The following DLGAP2 variants were observed in gnomAD, a reference collection of about 807,000 sequenced individuals.
The protein encoded by DLGAP2 is DLG associated protein 2.
DLGAP2 carries 26 observed loss-of-function variants against 100.3 expected under a neutral mutation model. That is an observed-to-expected ratio of 0.26 (90% CI 0.19 to 0.36). The LOEUF is 0.36. Ranked by LOEUF, DLGAP2 falls within the 10% of genes least tolerant of loss-of-function variation. The pLI is 1.00. For synonymous variants in DLGAP2, 886 were observed against 630.1 expected (o/e 1.41, Z -6.08); for missense variants, 1,858 against 1,453.2 (o/e 1.28, Z -4.53).
intron 10 of DLGAP2, among the ~76,000 whole-genome samples, chr8:1,674,550 T>C (rs747132236): frequency 1.3e-4 from 20 of 152,354 alleles, no homozygotes; most frequent in South Asian, 6.2e-4. Context: ...GAGACAAATA[T>C]TCTCCACATT....
chr8:883,711 C>A (rs745867366), intron 1 of DLGAP2, among the ~76,000 whole-genome samples: 1 of 151,862 alleles, frequency 6.6e-6, no homozygotes, highest in Admixed American at 6.6e-5. Context: ...GCGTGTGCCG[C>A]GGCCGTTCGT....
intron 1 of DLGAP2, among the ~76,000 whole-genome samples, chr8:856,686 A>G (rs920568816): frequency 2.0e-5 from 3 of 152,250 alleles, no homozygotes; most frequent in Non-Finnish European, 4.4e-5. Context: ...CATAAGATCT[A>G]TATGAGGAAA....
chr8:1,404,044 T>C (rs1258256480), intron 3 of DLGAP2, among the ~76,000 whole-genome samples: 6 of 13,100 alleles, frequency 4.6e-4, no homozygotes, highest in African/African-American at 5.3e-4. Context: ...TACTGAGCGC[T>C]CCCTCCTCAT....
At chr8:1,177,304 G>A (rs1054070710) in intron 2 of DLGAP2, among the ~76,000 whole-genome samples, 2 of 152,066 alleles carry the variant, frequency 1.3e-5, no homozygotes, top group African/African-American at 4.8e-5. Flanking sequence ...TATGTTCTTG[G>A]AGTATTTTTT....
intron 2 of DLGAP2, among the ~76,000 whole-genome samples, chr8:1,243,407 C>T (rs62487821): frequency 0.2 from 29,882 of 152,096 alleles, 3,509 homozygotes; most frequent in African/African-American, 0.32. Flanking sequence ...ATTCCTCCTG[C>T]GCAGCTGCCT....
chr8:1,382,012 A>G (rs1180104141), intron 3 of DLGAP2, among the ~76,000 whole-genome samples: 1 of 152,096 alleles, frequency 6.6e-6, no homozygotes, highest in Non-Finnish European at 1.5e-5. Flanking sequence ...TACACAGTTG[A>G]CCCTCATAAA....
chr8:1,257,746 A>G lies in DLGAP2; in HGVS notation c.74-1105A>G, dbSNP rs111607039. The stretch of plus-strand genomic sequence containing the variant: ...CGAGGGCCCGTGCAGGCCAGCGCTG[A>G]CGTGGAAGAGCCGGTGTCCTCCCGA... On this transcript the variant is annotated intron_variant, in intron 2 of 14. Transcript: ENST00000637795. 9.4e-4 allele frequency among the ~76,000 whole-genome samples: 141 copies of G among 149,948 alleles called. 1 individual carries two copies. The highest frequency in any genetic ancestry group is 8.0e-3 in the Admixed American group (120 of 15,048).
chr8:1,450,463 A>G (rs1361466011), intron 3 of DLGAP2, among the ~76,000 whole-genome samples: 1 of 143,890 alleles, frequency 6.9e-6, no homozygotes, highest in East Asian at 2.1e-4. Flanking sequence ...GCTGTGGCTG[A>G]GGCTGAGCTG....
intron 3 of DLGAP2, among the ~76,000 whole-genome samples, chr8:1,329,611 G>C (rs1408011943): frequency 6.6e-6 from 1 of 152,178 alleles, no homozygotes; most frequent in African/African-American, 2.4e-5. Flanking sequence ...TCTGTGCCGG[G>C]TCCTGGGGTA....
intron 1 of DLGAP2, among the ~76,000 whole-genome samples, chr8:887,362 G>A (rs1797943536): frequency 1.3e-5 from 2 of 152,134 alleles, no homozygotes; most frequent in African/African-American, 4.8e-5. Flanking sequence ...GGGGCATTTA[G>A]CCCATTTACA....
In DLGAP2 at chr8:1,380,627, C is replaced by T. The variant is rs571097326; in HGVS notation, c.107-120739C>T. Among the ~76,000 whole-genome samples the T allele has an allele frequency of 2.6e-5, 4 of 152,284 alleles. No individual in the cohort carries two copies. The South Asian group carries it at 8.3e-4, about 32-fold the overall frequency. On this transcript the variant is annotated intron_variant, in intron 3 of 14. Transcript: ENST00000637795. The stretch of plus-strand genomic sequence containing the variant: ...AGCATGAACACCCGACCACATCTTA[C>T]TCCAAATTGCTTCTGAAATTAAAAG...
intron 3 of DLGAP2, among the ~76,000 whole-genome samples, chr8:1,442,767 C>G (rs1477526054): frequency 1.3e-5 from 2 of 148,442 alleles, no homozygotes; most frequent in Non-Finnish European, 2.9e-5. Flanking sequence ...GGAGACGGAT[C>G]CGGGCATAGA....
At chr8:1,419,878 A>G (rs1237761130) in intron 3 of DLGAP2, among the ~76,000 whole-genome samples, 1 of 152,224 alleles carries the variant, frequency 6.6e-6, no homozygotes, top group African/African-American at 2.4e-5. Flanking sequence ...ATGGTATCAG[A>G]GCTGCACCAT....
At chr8:1,042,220 C>T (rs778986538) in intron 2 of DLGAP2, among the ~76,000 whole-genome samples, 5 of 152,310 alleles carry the variant, frequency 3.3e-5, no homozygotes, top group African/African-American at 1.2e-4. Context: ...CTGCTCACCC[C>T]CTGGCTGTGG....
intron 3 of DLGAP2, among the ~76,000 whole-genome samples, chr8:1,350,999 G>A (rs1288599467): frequency 8.4e-6 from 1 of 118,568 alleles, no homozygotes; most frequent in Non-Finnish European, 1.7e-5. Context: ...AAGGCCGTGC[G>A]GGTCCTGACT....
intron 2 of DLGAP2, among the ~76,000 whole-genome samples, chr8:1,238,538 C>G (rs1798715889): frequency 9.3e-6 from 1 of 107,824 alleles, no homozygotes. Context: ...GTGTCTGGTT[C>G]TCTCACATGG....
chr8:999,918 G>A (rs192783530), intron 2 of DLGAP2, among the ~76,000 whole-genome samples: 178 of 150,590 alleles, frequency 1.2e-3, no homozygotes, highest in South Asian at 3.1e-3. Flanking sequence ...AGACAGATCC[G>A]GGTGGAGGTG....
intron 3 of DLGAP2, among the ~76,000 whole-genome samples, chr8:1,339,787 G>C (rs1176019791): frequency 6.6e-6 from 1 of 152,180 alleles, no homozygotes; most frequent in African/African-American, 2.4e-5. Context: ...ACTCCAAATA[G>C]CATGGAAGGC....
intron 2 of DLGAP2, among the ~76,000 whole-genome samples, chr8:918,908 G>A (rs1798650531): frequency 1.3e-5 from 2 of 152,190 alleles, no homozygotes; most frequent in South Asian, 4.1e-4. Context: ...TCTGAAGACT[G>A]AGCTTTCAGT....
Sources: allele counts gnomAD v4.1 joint callset (sites outside exome capture counted in the v4.1 genomes callset), GRCh38; gene constraint gnomAD v4.1.1; transcripts MANE v1.5; gene names NCBI Gene and HGNC (gene_info 2026-07-23, HGNC 2026-07-21).